Variants in CSRNP3 observed in about 807,000 individuals in gnomAD.
The protein encoded by CSRNP3 is cysteine/serine-rich nuclear protein 3.
A neutral mutation model predicts 48.0 loss-of-function variants in CSRNP3; 12 were observed. The observed-to-expected ratio is 0.25, with a 90% CI of 0.16 to 0.41. CSRNP3 has a LOEUF of 0.41. Ranked by LOEUF, CSRNP3 falls within the 10% of genes least tolerant of loss-of-function variation. The probability of loss-of-function intolerance (pLI) is 1.00; values close to 1 mark genes in which losing one functional copy is unlikely to be tolerated. For synonymous variants in CSRNP3, 263 were observed against 269.7 expected (o/e 0.98, Z 0.24); for missense variants, 580 against 724.4 (o/e 0.80, Z 2.29).
At chr2:165,617,180 G>C (rs1686260570) in intron 4 of CSRNP3, among the ~76,000 whole-genome samples, 2 of 152,014 alleles carry the variant, frequency 1.3e-5, no homozygotes. Context: ...GAGGTCTGTT[G>C]CTGGAGAATT....
rs1316342426 is a variant in CSRNP3 at position 165,684,993 on chromosome 2, C to G, written c.*5240C>G. The G allele has an allele frequency of 6.6e-6, 1 of 152,032 alleles. No individual in the cohort carries two copies. Among genetic ancestry groups the G allele is most frequent in the Non-Finnish European group, 1.5e-5 (1 of 67,970 alleles). 9.4% of individuals were successfully genotyped at this position (152,032 alleles called of 1,614,324 possible). A position where few individuals can be genotyped will look rare whatever the true frequency, so the allele number is the denominator to read the frequency against. On this transcript the variant is annotated 3_prime_UTR_variant, in exon 7 of 7. Coordinates refer to ENST00000651982, the MANE Select transcript of CSRNP3 (RefSeq NM_001172173.2). ...CACATCTGCTGACCAACATTCATAT[C>G]AATTACATTTTTACAGTCTGTAAGT... is the stretch of plus-strand genomic sequence containing the variant.
At chr2:165,643,776 G>A (rs114246978) in intron 4 of CSRNP3, among the ~76,000 whole-genome samples, 279 of 152,074 alleles carry the variant, frequency 1.8e-3, no homozygotes, top group African/African-American at 3.4e-3. Context: ...GGCCTTCTAC[G>A]TATGTCTCAT....
In CSRNP3 at chr2:165,543,234, A is replaced by G. The variant is rs184569154; in HGVS notation, c.-24+25273A>G. Among the ~76,000 whole-genome samples, 313 of 152,302 alleles carry G rather than the reference A, an allele frequency of 2.1e-3. 1 individual carries two copies. The highest frequency in any genetic ancestry group is 5.2e-3 in the Admixed American group (79 of 15,280). ...TGCAGAGCTCTTCTCTAAGCTGTTCATGTATTTTTACATTGTTATTCTTTT... is the reference window on the plus strand; with the variant it reads ...TGCAGAGCTCTTCTCTAAGCTGTTCGTGTATTTTTACATTGTTATTCTTTT... On this transcript the variant is annotated intron_variant, in intron 3 of 6. Coordinates refer to ENST00000651982, the MANE Select transcript of CSRNP3 (RefSeq NM_001172173.2).
chr2:165,610,787 A>G (rs1257900059), intron 4 of CSRNP3, among the ~76,000 whole-genome samples: 1 of 152,196 alleles, frequency 6.6e-6, no homozygotes, highest in African/African-American at 2.4e-5. Context: ...GGCTTTAAAA[A>G]TATCAATGGA....
intron 3 of CSRNP3, 47 bp downstream of exon 3, chr2:165,518,008 A>T (rs1043233954): frequency 1.3e-5 from 2 of 152,324 alleles, no homozygotes; most frequent in African/African-American, 4.8e-5. Flanking sequence ...CAGATTTGGG[A>T]TATAATCTGT....
In CSRNP3 at chr2:165,682,146, A is replaced by G. The variant is rs1687558590; in HGVS notation, c.*2393A>G. On this transcript the variant is annotated 3_prime_UTR_variant, in exon 7 of 7. Coordinates refer to ENST00000651982, the MANE Select transcript of CSRNP3 (RefSeq NM_001172173.2). ...GACAGTCCAGTTTCTGAAAAGAGAT[A>G]TTTTAATTTTAGTTCAGCTTTATTT... The G allele has an allele frequency of 6.6e-6, 1 of 151,996 alleles. No individual in the cohort carries two copies. The highest frequency in any genetic ancestry group is 2.4e-5 in the African/African-American group (1 of 41,392). The allele number at this position is 151,996 out of a possible 1,614,324, so 9.4% of individuals were successfully genotyped here.
intron 4 of CSRNP3, among the ~76,000 whole-genome samples, chr2:165,628,077 G>C (rs1686468293): frequency 1.3e-5 from 2 of 152,182 alleles, no homozygotes; most frequent in South Asian, 4.1e-4. Flanking sequence ...GCCCCAGCCT[G>C]TCCAGCGGAA....
At chr2:165,646,657 G>C (rs891640212) in intron 4 of CSRNP3, among the ~76,000 whole-genome samples, 3 of 152,144 alleles carry the variant, frequency 2.0e-5, no homozygotes, top group African/African-American at 7.2e-5. Flanking sequence ...TGGTGGTAAT[G>C]AATTGCATTG....
At chr2:165,652,629 G>A (rs552307270) in intron 4 of CSRNP3, among the ~76,000 whole-genome samples, 133 of 152,156 alleles carry the variant, frequency 8.7e-4, no homozygotes, top group African/African-American at 3.1e-3. Flanking sequence ...CACAACCTCT[G>A]CCTCCTGGGC....
At chr2:165,650,677 T>A (rs1253339316) in intron 4 of CSRNP3, among the ~76,000 whole-genome samples, 1 of 152,224 alleles carries the variant, frequency 6.6e-6, no homozygotes, top group Non-Finnish European at 1.5e-5. Flanking sequence ...GAGCCCCTGA[T>A]CAATTTGGTC....
At chr2:165,553,646 A>G (rs1007888964) in intron 3 of CSRNP3, among the ~76,000 whole-genome samples, 3 of 152,156 alleles carry the variant, frequency 2.0e-5, no homozygotes, top group African/African-American at 4.8e-5. Context: ...TTTCACTGAT[A>G]AAATAAAAGC....
intron 4 of CSRNP3, among the ~76,000 whole-genome samples, chr2:165,608,439 T>C (rs1460044511): frequency 4.6e-5 from 7 of 152,134 alleles, no homozygotes; most frequent in African/African-American, 1.2e-4. Flanking sequence ...ATATTCTAAC[T>C]GGAATTTTTA....
chr2:165,561,328 G>A (rs188550982), intron 3 of CSRNP3, among the ~76,000 whole-genome samples: 25 of 152,102 alleles, frequency 1.6e-4, no homozygotes, highest in Admixed American at 1.3e-3. Context: ...GAGAAAATTC[G>A]AGTCCATCAA....
intron 4 of CSRNP3, among the ~76,000 whole-genome samples, chr2:165,616,399 A>G (rs982841161): frequency 2.6e-5 from 4 of 152,158 alleles, no homozygotes; most frequent in Non-Finnish European, 1.5e-5. Context: ...GATGGTAGAT[A>G]TCATTTTTTA....
chr2:165,548,272 A>G (rs994214762), intron 3 of CSRNP3, among the ~76,000 whole-genome samples: 11 of 152,060 alleles, frequency 7.2e-5, no homozygotes, highest in African/African-American at 2.4e-4. Context: ...GGGTCTTAAC[A>G]TGATTGGATT....
chr2:165,549,706 A>G (rs894231403), intron 3 of CSRNP3, among the ~76,000 whole-genome samples: 3 of 152,162 alleles, frequency 2.0e-5, no homozygotes, highest in Non-Finnish European at 4.4e-5. Context: ...TGGCAAGGAG[A>G]TAAAGACCAT....
intron 3 of CSRNP3, among the ~76,000 whole-genome samples, chr2:165,581,325 C>T (rs1048387419): frequency 1.3e-5 from 2 of 152,132 alleles, no homozygotes; most frequent in Admixed American, 6.5e-5. Context: ...TGGAAAACCT[C>T]TTTGTAATTA....
At chr2:165,529,721 GT>G (rs1684787254) in intron 3 of CSRNP3, among the ~76,000 whole-genome samples, 1 of 152,082 alleles carries the variant, frequency 6.6e-6, no homozygotes, top group South Asian at 2.1e-4. Flanking sequence ...TTGCTCTGAA[GT>G]TTTTCAAGGG....
At chr2:165,505,563 G>A (rs1684414363) in intron 2 of CSRNP3, among the ~76,000 whole-genome samples, 1 of 152,138 alleles carries the variant, frequency 6.6e-6, no homozygotes, top group Non-Finnish European at 1.5e-5. Flanking sequence ...GTGAATTTTT[G>A]TTTTGATAGC....
Sources: allele counts gnomAD v4.1 joint callset (sites outside exome capture counted in the v4.1 genomes callset), GRCh38; gene constraint gnomAD v4.1.1; transcripts MANE v1.5; gene names NCBI Gene and HGNC (gene_info 2026-07-23, HGNC 2026-07-21).